Variants in CFAP97D1 observed in about 807,000 individuals in gnomAD.
CFAP97D1 encodes the protein sperm axonemal maintenance protein CFAP97D1.
A neutral mutation model predicts 20.5 loss-of-function variants in CFAP97D1; 15 were observed. The ratio of observed to expected loss-of-function variants is 0.73; its 90% confidence interval spans 0.49 to 1.13. The LOEUF is 1.13. CFAP97D1 is among the 50% of genes most tolerant of loss of function. CFAP97D1 has a pLI of 0.00. For missense variants in CFAP97D1, 168 were observed against 202.9 expected (o/e 0.83, Z 1.04); for synonymous variants, 58 against 71.2 (o/e 0.82, Z 0.93).
In CFAP97D1 at chr17:43,785,002, G is replaced by GGAGAGAGA. The variant is rs112634663; in HGVS notation, c.*636_*643dup. On this transcript the variant is annotated 3_prime_UTR_variant, in exon 6 of 6. Coordinates refer to ENST00000449302, the MANE Select transcript of CFAP97D1 (RefSeq NM_001136483.3). The stretch of plus-strand genomic sequence containing the variant: ...ATTTGCCAAAGAGACAGACTCAATA[G>GGAGAGAGA]GAGAGAGAGAGAGAGAGAGAGAGTG... 6.8e-6 allele frequency: 1 copy of GGAGAGAGA among 146,528 alleles called. No homozygotes were observed. The highest frequency in any genetic ancestry group is 2.5e-5 in the African/African-American group (1 of 39,592). 9.1% of individuals were successfully genotyped at this position (146,528 alleles called of 1,614,324 possible).
chr17:43,785,336 G>A lies in CFAP97D1; in HGVS notation c.*954G>A, dbSNP rs2044285162. ...GCAGTACAGGGCTACCCCAAAGGCA[G>A]AGAGTTTTGCAGTCATAGTTATACG... On this transcript the variant is annotated 3_prime_UTR_variant, in exon 6 of 6. Transcript: ENST00000449302. The A allele has an allele frequency of 6.6e-6, 1 of 152,230 alleles. No homozygotes were observed. The highest frequency in any genetic ancestry group is 1.5e-5 in the Non-Finnish European group (1 of 68,056). The allele number at this position is 152,230 out of a possible 1,614,324, so 9.4% of individuals were successfully genotyped here.
chr17:43,780,947 A>G (rs1974466262), intron 1 of CFAP97D1, among the ~76,000 whole-genome samples, 172 bp from the exon 2 acceptor site: 1 of 152,202 alleles, frequency 6.6e-6, no homozygotes, highest in South Asian at 2.1e-4. Context: ...GTTTCTGCTC[A>G]AAACTCTCCA....
Position 43,784,079 on chromosome 17 carries a change from G to A in CFAP97D1, c.*186G>A, listed in dbSNP as rs115014002. 3.4e-3 allele frequency among the ~76,000 whole-genome samples: 524 copies of A among 152,270 alleles called. 4 individuals are homozygous for A. Among genetic ancestry groups the A allele is most frequent in the African/African-American group, 0.012 (487 of 41,556 alleles). ...TTATTTCTTCTCTCCATACAAGAAG[G>A]AAATGACATTGTCTTTTGTCATCAT... On this transcript the variant is annotated intron_variant, in intron 5 of 5. Coordinates refer to ENST00000449302, the MANE Select transcript of CFAP97D1 (RefSeq NM_001136483.3).
intron 3 of CFAP97D1, 111 bp from the exon 4 acceptor site, chr17:43,783,069 T>G: frequency 2.2e-6 from 3 of 1,370,352 alleles, no homozygotes; most frequent in Non-Finnish European, 3.0e-6. Flanking sequence ...CAGGACAGTT[T>G]ACTCCCTGCA....
At chr17:43,781,214 T>C in intron 2 of CFAP97D1, 25 bp downstream of exon 2, 3 of 1,527,744 alleles carry the variant, frequency 2.0e-6, no homozygotes, top group Non-Finnish European at 2.7e-6. Flanking sequence ...TGCTTGCAGA[T>C]GTGCAGATGT....
intron 2 of CFAP97D1, 66 bp downstream of exon 2, chr17:43,781,255 G>A (rs71382995): frequency 0.066 from 87,875 of 1,340,974 alleles, 3,417 homozygotes; most frequent in Non-Finnish European, 0.076. Flanking sequence ...GTTTCCTAAA[G>A]AGGTTCAATT....
intron 3 of CFAP97D1, 51 bp downstream of exon 3, chr17:43,781,943 C>T: frequency 7.7e-7 from 1 of 1,304,844 alleles, no homozygotes; most frequent in Non-Finnish European, 1.1e-6. Context: ...ATTGACTTTC[C>T]TCTTGGGTTT....
chr17:43,784,313 A>C (rs1301535842), intron 5 of CFAP97D1, 70 bp from the exon 6 acceptor site: 1 of 162,110 alleles, frequency 6.2e-6, no homozygotes, highest in African/African-American at 2.4e-5. Context: ...ATAAATGGAC[A>C]CTTAGGCGTT....
Position 43,781,792 on chromosome 17 carries a change from A to C in CFAP97D1, c.214A>C (p.Asn72His). The C allele has an allele frequency of 1.3e-6, 2 of 1,551,520 alleles. No individual in the cohort carries two copies. Among genetic ancestry groups the C allele is most frequent in the Non-Finnish European group, 1.7e-6 (2 of 1,146,822 alleles). ...SKLQGEQKKI[N>H]KIEYENKQLC... ...TTACCAGGGTGAACAAAAGAAAATC[A>C]ACAAAATCGAGTATGAAAACAAGCA... is the stretch of plus-strand genomic sequence containing the variant. Residue 72 changes from asparagine to histidine, a missense_variant, in exon 3 of 6, where the codon AAC becomes CAC. Asn to His is a moderately conservative substitution (Grantham distance 68). Transcript: ENST00000449302.
intron 2 of CFAP97D1, 23 bp from the exon 3 acceptor site, chr17:43,781,751 G>A (rs1269761703): frequency 7.0e-7 from 1 of 1,421,130 alleles, no homozygotes; most frequent in Admixed American, 2.0e-5. Flanking sequence ...GTGTCACCAT[G>A]GTGAGGTGTG....
chr17:43,783,420 A>C (rs745499543), intron 4 of CFAP97D1, 117 bp downstream of exon 4: 20 of 1,337,370 alleles, frequency 1.5e-5, no homozygotes, highest in Non-Finnish European at 2.0e-5. Context: ...GAAATGTAAC[A>C]ATCGTTAAAA....
chr17:43,787,343 A>C lies in CFAP97D1; in HGVS notation c.*2961A>C, dbSNP rs1354051156. The C allele has an allele frequency of 1.3e-5, 2 of 152,234 alleles. No homozygotes were observed. Among genetic ancestry groups the C allele is most frequent in the Non-Finnish European group, 2.9e-5 (2 of 68,042 alleles). The allele number at this position is 152,234 out of a possible 1,614,324, so 9.4% of individuals were successfully genotyped here. ...GTCCTTTGCCTGCTATGCGCCTTGC[A>C]TGTATTTTTCTCCCAGTCTATAATT... On this transcript the variant is annotated 3_prime_UTR_variant, in exon 6 of 6. Coordinates refer to ENST00000449302, the MANE Select transcript of CFAP97D1 (RefSeq NM_001136483.3).
Position 43,781,199 on chromosome 17 carries a change from C to A in CFAP97D1, c.195+10C>A. On this transcript the variant is annotated intron_variant, in intron 2 of 5. Coordinates refer to ENST00000449302, the MANE Select transcript of CFAP97D1 (RefSeq NM_001136483.3). ...ATTGAGCAAACTACAGGTATTTGTT[C>A]TTGCTGCTTGCAGATGTGCAGATGT... The A allele has an allele frequency of 1.3e-6, 2 of 1,546,998 alleles. No homozygotes were observed. The highest frequency in any genetic ancestry group is 2.4e-5 in the East Asian group (1 of 40,896).
At chr17:43,781,416 C>T (rs530509529) in intron 2 of CFAP97D1, among the ~76,000 whole-genome samples, 1 of 152,010 alleles carries the variant, frequency 6.6e-6, no homozygotes, top group East Asian at 1.9e-4. Context: ...CTGCAACCTC[C>T]GCCTCCCAGA....
At chr17:43,782,808 C>T (rs768501544) in intron 3 of CFAP97D1, 1 of 193,214 alleles carries the variant, frequency 5.2e-6, no homozygotes, top group Non-Finnish European at 1.1e-5. Flanking sequence ...CAAAACTTGT[C>T]GCCAGCCGTT....
rs148487685 is a variant in CFAP97D1, at chr17:43,786,739, C to T, written c.*2357C>T. On this transcript the variant is annotated 3_prime_UTR_variant, in exon 6 of 6. Transcript: ENST00000449302. Reference sequence around the variant, plus strand: ...TTGGCAATCACAATCTGTTTTCCACCTCTCTGTTAGTTCATGGTATTACGT... The same window carrying T: ...TTGGCAATCACAATCTGTTTTCCACTTCTCTGTTAGTTCATGGTATTACGT... 6.6e-6 allele frequency: 1 copy of T among 152,284 alleles called. No individual in the cohort carries two copies. Among genetic ancestry groups the T allele is most frequent in the African/African-American group, 2.4e-5 (1 of 41,556 alleles). 9.4% of individuals were successfully genotyped at this position (152,284 alleles called of 1,614,324 possible). A position where few individuals can be genotyped will look rare whatever the true frequency, so the allele number is the denominator to read the frequency against.
intron 2 of CFAP97D1, 138 bp from the exon 3 acceptor site, chr17:43,781,636 T>G (rs1974475264): frequency 1.5e-6 from 1 of 668,748 alleles, no homozygotes; most frequent in African/African-American, 1.8e-5. Flanking sequence ...CCCAGTCTTT[T>G]AAGTTCTGCT....
At chr17:43,783,523 TCATAA>T (rs1455401658) in intron 4 of CFAP97D1, among the ~76,000 whole-genome samples, 1 of 151,524 alleles carries the variant, frequency 6.6e-6, no homozygotes, top group Non-Finnish European at 1.5e-5. Flanking sequence ...TGTGTCAGTT[TCATAA>T]CATAACAATT....
chr17:43,781,729 A>C, intron 2 of CFAP97D1, 45 bp from the exon 3 acceptor site: 101 of 1,068,838 alleles, frequency 9.4e-5, no homozygotes, highest in Non-Finnish European at 1.3e-4. Context: ...GTGTTGGGGC[A>C]GTGCACTGAT....
Sources: gnomAD v4.1 joint callset for allele counts (sites outside exome capture counted in the v4.1 genomes callset) on GRCh38, gnomAD v4.1.1 for gene constraint, MANE v1.5 for transcripts, NCBI Gene and HGNC (gene_info 2026-07-23, HGNC 2026-07-21) for gene names.